The following GPR158 variants were observed in gnomAD, a reference collection of about 807,000 sequenced individuals.
GPR158 encodes the protein metabotropic glycine receptor.
A neutral mutation model predicts 78.2 loss-of-function variants in GPR158; 30 were observed. The ratio of observed to expected loss-of-function variants is 0.38; its 90% CI spans 0.29 to 0.52. The LOEUF is 0.52. GPR158 is among the 20% of genes least tolerant of loss of function. GPR158 has a pLI of 0.83. For missense variants in GPR158, 1,463 were observed against 1,523.5 expected (o/e 0.96, Z 0.66); for synonymous variants, 581 against 591.1 (o/e 0.98, Z 0.25).
At chr10:25,310,139 GC>G in intron 2 of GPR158, among the ~76,000 whole-genome samples, 1 of 152,290 alleles carries the variant, frequency 6.6e-6, no homozygotes, top group African/African-American at 2.4e-5. Flanking sequence ...TTTCCCAACA[GC>G]ATTTGTTGAA....
chr10:25,565,636 C>G (rs1284210345), intron 6 of GPR158, among the ~76,000 whole-genome samples: 1 of 152,152 alleles, frequency 6.6e-6, no homozygotes, highest in African/African-American at 2.4e-5. Flanking sequence ...GATGATTTTG[C>G]TACTGACTGT....
chr10:25,176,756 A>G lies in GPR158; in HGVS notation c.902+434A>G, dbSNP rs1300963808. On this transcript the variant is annotated intron_variant, in intron 1 of 10. Transcript: ENST00000376351. The surrounding 1 kb of genome is among the most constrained non-coding windows in gnomAD (Gnocchi z 6.3). ...GAGGCGAAAAGGGAGCAGGAGGAAC[A>G]GAGAGTTCCTTGTTTCTGCCACTTT... 1.3e-5 allele frequency among the ~76,000 whole-genome samples: 2 copies of G among 152,258 alleles called. No homozygotes were observed.
intron 2 of GPR158, among the ~76,000 whole-genome samples, chr10:25,291,754 A>G (rs1047499118): frequency 1.3e-5 from 2 of 151,464 alleles, no homozygotes; most frequent in African/African-American, 4.9e-5. Context: ...AAATCAGTAC[A>G]AAGAGACTAA....
At chr10:25,337,859 A>G (rs1021946981) in intron 2 of GPR158, among the ~76,000 whole-genome samples, 5 of 151,888 alleles carry the variant, frequency 3.3e-5, no homozygotes, top group Non-Finnish European at 7.4e-5. Flanking sequence ...TTTAGTTTCT[A>G]TTTTCATTTC....
chr10:25,377,357 C>T (rs1421342284), intron 2 of GPR158, among the ~76,000 whole-genome samples: 1 of 151,804 alleles, frequency 6.6e-6, no homozygotes, highest in African/African-American at 2.4e-5. Context: ...CTTTTATTTA[C>T]TTATTTTTTT....
intron 3 of GPR158, among the ~76,000 whole-genome samples, chr10:25,406,099 A>G (rs1453172983): frequency 6.6e-6 from 1 of 152,144 alleles, no homozygotes; most frequent in Non-Finnish European, 1.5e-5. Flanking sequence ...GACAGTTACT[A>G]TTACTGAACA....
At chr10:25,421,257 T>C (rs1216688173) in intron 4 of GPR158, among the ~76,000 whole-genome samples, 1 of 152,236 alleles carries the variant, frequency 6.6e-6, no homozygotes, top group Non-Finnish European at 1.5e-5. Flanking sequence ...TTTAGTTAAA[T>C]GGATTATCTC....
At chr10:25,253,389 C>T (rs1853842745) in intron 2 of GPR158, among the ~76,000 whole-genome samples, 1 of 152,134 alleles carries the variant, frequency 6.6e-6, no homozygotes, top group Non-Finnish European at 1.5e-5. Context: ...GAGCTAATTA[C>T]TTGTTGGAGC....
intron 5 of GPR158, among the ~76,000 whole-genome samples, chr10:25,530,719 C>T (rs916607685): frequency 1.3e-5 from 2 of 152,198 alleles, no homozygotes; most frequent in African/African-American, 4.8e-5. Context: ...AATTTTGATG[C>T]AATAAGACAT....
At chr10:25,369,303 T>C (rs1588829407) in intron 2 of GPR158, among the ~76,000 whole-genome samples, 1 of 150,308 alleles carries the variant, frequency 6.7e-6, no homozygotes, top group African/African-American at 2.5e-5. Context: ...TGGCTGTGGG[T>C]TTGTCATAGA....
At chr10:25,315,299 G>C (rs1040365401) in intron 2 of GPR158, among the ~76,000 whole-genome samples, 4 of 151,982 alleles carry the variant, frequency 2.6e-5, no homozygotes, top group African/African-American at 9.7e-5. Context: ...TGTGTTAATT[G>C]GTGCATGAGT....
intron 2 of GPR158, among the ~76,000 whole-genome samples, chr10:25,265,705 G>A (rs1264002561): frequency 6.6e-6 from 1 of 152,128 alleles, no homozygotes; most frequent in African/African-American, 2.4e-5. Context: ...CAAGGCAGAG[G>A]GAACAGGTAC....
intron 7 of GPR158, among the ~76,000 whole-genome samples, chr10:25,581,529 G>A (rs1384169022): frequency 6.6e-6 from 1 of 152,160 alleles, no homozygotes; most frequent in Non-Finnish European, 1.5e-5. Context: ...TCTGAAAAGT[G>A]CTTTACTTTC....
At chr10:25,397,507 GT>G (rs1321622101) in intron 3 of GPR158, among the ~76,000 whole-genome samples, 2 of 152,160 alleles carry the variant, frequency 1.3e-5, no homozygotes. Context: ...AGTTCAAAGG[GT>G]TCATTGAGAT....
At chr10:25,196,054 G>T (rs1261135897) in intron 1 of GPR158, among the ~76,000 whole-genome samples, 1 of 151,542 alleles carries the variant, frequency 6.6e-6, no homozygotes, top group Non-Finnish European at 1.5e-5. Flanking sequence ...TCATTTTATT[G>T]ATTACACTTG....
At chr10:25,309,025 A>G (rs1051780288) in intron 2 of GPR158, among the ~76,000 whole-genome samples, 3 of 152,112 alleles carry the variant, frequency 2.0e-5, no homozygotes, top group African/African-American at 4.8e-5. Context: ...AGCTGTACAG[A>G]TATTTCTTTA....
At chr10:25,563,213 T>C (rs1836881053) in intron 6 of GPR158, among the ~76,000 whole-genome samples, 1 of 152,200 alleles carries the variant, frequency 6.6e-6, no homozygotes, top group East Asian at 1.9e-4. Flanking sequence ...AAAAATCTCT[T>C]CTACCATTTC....
intron 2 of GPR158, among the ~76,000 whole-genome samples, chr10:25,350,772 C>T (rs1855448990): frequency 6.6e-6 from 1 of 151,984 alleles, no homozygotes; most frequent in African/African-American, 2.4e-5. Flanking sequence ...GGTGACCCCT[C>T]CTCCTTTTGC....
intron 2 of GPR158, among the ~76,000 whole-genome samples, chr10:25,332,992 A>G (rs1221932934): frequency 6.6e-6 from 1 of 152,186 alleles, no homozygotes; most frequent in African/African-American, 2.4e-5. Context: ...ACTGGCCTGT[A>G]GAGGATGAGC....
Sources: allele counts gnomAD v4.1 joint callset (sites outside exome capture counted in the v4.1 genomes callset), GRCh38; gene constraint gnomAD v4.1.1; non-coding constraint Gnocchi (gnomAD v3.1); transcripts MANE v1.5; gene names NCBI Gene and HGNC (gene_info 2026-07-23, HGNC 2026-07-21).